USP25: variants seen among roughly 807,000 people sequenced by gnomAD.
The protein encoded by USP25 is ubiquitin specific peptidase 25.
In USP25, 85 loss-of-function variants were observed where a neutral mutation model predicts 158.5. That is an observed-to-expected ratio of 0.54 (90% CI 0.45 to 0.64). The LOEUF (loss-of-function observed/expected upper bound fraction) is 0.64. Among genes scored for constraint, USP25 ranks in the 30% least tolerant of loss-of-function variants. USP25 has a pLI of 0.00. For synonymous variants in USP25, 464 were observed against 460.4 expected, an observed-to-expected ratio of 1.01 and a Z score of -0.10; for missense variants, 1,242 against 1,327.3, an observed-to-expected ratio of 0.94 and a Z score of 1.00.
intron 1 of USP25, among the ~76,000 whole-genome samples, chr21:15,758,121 T>G (rs1489321169): frequency 6.6e-6 from 1 of 152,198 alleles, no homozygotes; most frequent in African/African-American, 2.4e-5. Flanking sequence ...CCAGACCCTC[T>G]GGAATCAATC....
At chr21:15,871,933 G>T (rs1371213205) in intron 23 of USP25, among the ~76,000 whole-genome samples, 1 of 150,644 alleles carries the variant, frequency 6.6e-6, no homozygotes, top group East Asian at 1.9e-4. Context: ...GGAGGTTGTG[G>T]TGAGCCAAGA....
rs527770204 is a variant in USP25, at chr21:15,830,420, T to C, written c.1694-111T>C. ...TGGTAATGTTTTTTAAGAAAAGTTT[T>C]AGGAAAATTTTCCTATTCCTCTAAC... On this transcript the variant is annotated intron_variant, in intron 14 of 25. Coordinates refer to ENST00000400183, the MANE Select transcript of USP25 (RefSeq NM_001283041.3). 90 of 814,376 alleles carry C rather than the reference T, an allele frequency of 1.1e-4. No homozygotes were observed. The South Asian group carries it at 1.6e-3, about 15-fold the overall frequency. The allele number at this position is 814,376 out of a possible 1,614,324, so 50.4% of individuals were successfully genotyped here. A position where few individuals can be genotyped will look rare whatever the true frequency, so the allele number is the denominator to read the frequency against.
intron 17 of USP25, among the ~76,000 whole-genome samples, chr21:15,834,868 C>T (rs1243651871): frequency 6.6e-6 from 1 of 152,246 alleles, no homozygotes. Flanking sequence ...ACAAGGCTAC[C>T]GCGTAGAGCA....
chr21:15,869,856 T>TG (rs1246006384), intron 22 of USP25, among the ~76,000 whole-genome samples: 1 of 152,232 alleles, frequency 6.6e-6, no homozygotes, highest in East Asian at 1.9e-4. Flanking sequence ...TTCATATCCA[T>TG]GCCTAATAAT....
At chr21:15,741,546 T>G (rs1601245312) in intron 1 of USP25, among the ~76,000 whole-genome samples, 1 of 152,220 alleles carries the variant, frequency 6.6e-6, no homozygotes, top group East Asian at 1.9e-4. Context: ...GAATATGTGG[T>G]GTACCTCATT....
intron 4 of USP25, among the ~76,000 whole-genome samples, chr21:15,781,022 G>C (rs1228880024): frequency 6.6e-6 from 1 of 152,216 alleles, no homozygotes; most frequent in Non-Finnish European, 1.5e-5. Flanking sequence ...ATATGACACA[G>C]ATTAGTTTCC....
At chr21:15,850,023 A>G (rs970516356) in intron 20 of USP25, among the ~76,000 whole-genome samples, 151 bp downstream of exon 20, 1 of 152,076 alleles carries the variant, frequency 6.6e-6, no homozygotes, top group Admixed American at 6.6e-5. Context: ...GTTTTATTTT[A>G]TGTATTAATT....
intron 4 of USP25, among the ~76,000 whole-genome samples, chr21:15,782,450 C>G (rs1181166752): frequency 6.6e-6 from 1 of 152,172 alleles, no homozygotes; most frequent in Non-Finnish European, 1.5e-5. Context: ...GCATCCACCC[C>G]TGGCCTGATA....
Position 15,805,476 on chromosome 21 carries a change from C to T in USP25, c.780+218C>T, listed in dbSNP as rs531888166. 1.3e-4 allele frequency: 46 copies of T among 360,298 alleles called. No individual in the cohort carries two copies. In the South Asian group the frequency reaches 2.8e-3, roughly 22 times the overall value. 22.3% of individuals were successfully genotyped at this position (360,298 alleles called of 1,614,324 possible). A position where few individuals can be genotyped will look rare whatever the true frequency, so the allele number is the denominator to read the frequency against. ...ATTTATATTATGATTGAAATGAAAA[C>T]GATGGATACAATTAAGATTATTTAC... On this transcript the variant is annotated intron_variant, in intron 7 of 25. Coordinates refer to ENST00000400183, the MANE Select transcript of USP25 (RefSeq NM_001283041.3).
At chr21:15,815,501 T>G (rs2036891882) in intron 9 of USP25, among the ~76,000 whole-genome samples, 1 of 152,120 alleles carries the variant, frequency 6.6e-6, no homozygotes, top group Admixed American at 6.5e-5. Flanking sequence ...GGCTGTACCT[T>G]GCAAAGCCAC....
chr21:15,730,452 G>T lies in USP25; in HGVS notation c.45+14G>T. 2 of 1,351,486 alleles carry T rather than the reference G, an allele frequency of 1.5e-6. No homozygotes were observed. Among genetic ancestry groups the T allele is most frequent in the Non-Finnish European group, 1.9e-6 (2 of 1,043,050 alleles). 83.7% of individuals were successfully genotyped at this position (1,351,486 alleles called of 1,614,324 possible). A position where few individuals can be genotyped will look rare whatever the true frequency, so the allele number is the denominator to read the frequency against. ...GCGGCGCAGAAGGTGAGGCGAGTCC[G>T]CCAGCCGGCGGGCCCCACTTCTCCT... On this transcript the variant is annotated intron_variant, in intron 1 of 25. Coordinates refer to ENST00000400183, the MANE Select transcript of USP25 (RefSeq NM_001283041.3).
intron 17 of USP25, among the ~76,000 whole-genome samples, chr21:15,834,871 G>T (rs1209009447): frequency 6.6e-6 from 1 of 152,174 alleles, no homozygotes; most frequent in Non-Finnish European, 1.5e-5. Flanking sequence ...AGGCTACCGC[G>T]TAGAGCAGGT....
At position 15,830,525 on chromosome 21, in the gene USP25, CCTT is replaced by C; in HGVS notation, c.1694-5_1694-3del. ...TTAATCATTAAATGACACCTTATAT[CCTT>C]AGATTTGCAGGAAAGCATATCCAGA... is the stretch of plus-strand genomic sequence containing the variant. On this transcript the variant is annotated splice_polypyrimidine_tract_variant and splice_region_variant and intron_variant, in intron 14 of 25. Transcript: ENST00000400183. 2 of 1,601,654 alleles carry C rather than the reference CCTT, an allele frequency of 1.2e-6. No homozygotes were observed. The highest frequency in any genetic ancestry group is 1.7e-6 in the Non-Finnish European group (2 of 1,174,250).
chr21:15,808,630 C>T (rs1043639681), intron 7 of USP25, among the ~76,000 whole-genome samples, 179 bp from the exon 8 acceptor site: 3 of 151,262 alleles, frequency 2.0e-5, no homozygotes, highest in African/African-American at 4.9e-5. Flanking sequence ...TTTCAAATAT[C>T]TTATATCCTG....
chr21:15,809,982 C>T (rs1452013399), intron 8 of USP25, among the ~76,000 whole-genome samples: 1 of 151,876 alleles, frequency 6.6e-6, no homozygotes, highest in Admixed American at 6.6e-5. Context: ...TGGTGGTTGC[C>T]AGAGGCTGGG....
chr21:15,834,029 T>C (rs1170825657), intron 17 of USP25, among the ~76,000 whole-genome samples: 5 of 152,338 alleles, frequency 3.3e-5, no homozygotes, highest in South Asian at 2.1e-4. Context: ...TTAATAACTA[T>C]TTGATGTTTT....
At chr21:15,749,731 T>C (rs2032840011) in intron 1 of USP25, among the ~76,000 whole-genome samples, 1 of 152,202 alleles carries the variant, frequency 6.6e-6, no homozygotes, top group Admixed American at 6.5e-5. Flanking sequence ...CTAGGAAAGA[T>C]CTTATAAAGG....
At chr21:15,870,419 G>A (rs759854892) in intron 23 of USP25, among the ~76,000 whole-genome samples, 4 of 152,140 alleles carry the variant, frequency 2.6e-5, no homozygotes, top group Admixed American at 6.5e-5. Context: ...TTGAAGCTGA[G>A]TCTGATCTTG....
intron 1 of USP25, among the ~76,000 whole-genome samples, chr21:15,752,653 T>C (rs1341347241): frequency 6.6e-6 from 1 of 152,214 alleles, no homozygotes; most frequent in Non-Finnish European, 1.5e-5. Flanking sequence ...CCATTGTTCT[T>C]TGCTAGCTAT....
Sources: allele counts gnomAD v4.1 joint callset (sites outside exome capture counted in the v4.1 genomes callset), GRCh38; gene constraint gnomAD v4.1.1; transcripts MANE v1.5; gene names NCBI Gene and HGNC (gene_info 2026-07-23, HGNC 2026-07-21).